Variants in HYDIN observed in about 807,000 individuals in gnomAD.
HYDIN encodes HYDIN axonemal central pair apparatus protein.
Under a neutral mutation model 403.9 loss-of-function variants are expected in HYDIN, and 132 were observed. The ratio of observed to expected loss-of-function variants is 0.33; its 90% confidence interval spans 0.28 to 0.38. The LOEUF (loss-of-function observed/expected upper bound fraction) is 0.38. Among genes scored for constraint, HYDIN ranks in the 10% least tolerant of loss-of-function variants. The pLI is 1.00. For synonymous variants in HYDIN, 1,202 were observed against 1,891.7 expected (o/e 0.64, Z 9.46); for missense variants, 2,827 against 5,009.5 (o/e 0.56, Z 13.15).
At chr16:71,152,541 T>C (rs2085579043) in intron 7 of HYDIN, 118 bp downstream of exon 7, 1 of 942,410 alleles carries the variant, frequency 1.1e-6, no homozygotes, top group Non-Finnish European at 1.6e-6. Flanking sequence ...GTCCACAAAA[T>C]CCATTGTATC....
chr16:71,210,355 G>T (rs574464100), intron 1 of HYDIN, among the ~76,000 whole-genome samples: 2 of 152,306 alleles, frequency 1.3e-5, no homozygotes, highest in Non-Finnish European at 1.5e-5. Flanking sequence ...CATGTCCTTT[G>T]CAGGAACATG....
At chr16:71,041,503 G>A (rs2081286192) in intron 18 of HYDIN, among the ~76,000 whole-genome samples, 1 of 152,050 alleles carries the variant, frequency 6.6e-6, no homozygotes, top group African/African-American at 2.4e-5. Context: ...CTGTGGTAGA[G>A]TCAAATGATG....
At chr16:71,172,246 A>C (rs943063646) in intron 5 of HYDIN, among the ~76,000 whole-genome samples, 1 of 152,214 alleles carries the variant, frequency 6.6e-6, no homozygotes, top group African/African-American at 2.4e-5. Flanking sequence ...GCACCACTGC[A>C]TGCTTTCTTC....
chr16:71,061,586 C>T (rs1724062331), intron 17 of HYDIN, among the ~76,000 whole-genome samples: 1 of 152,076 alleles, frequency 6.6e-6, no homozygotes, highest in Non-Finnish European at 1.5e-5. Flanking sequence ...TTTCTCTTAA[C>T]AGCTTGAGTA....
chr16:70,811,134 T>C (rs946893260), intron 84 of HYDIN, among the ~76,000 whole-genome samples: 8 of 152,144 alleles, frequency 5.3e-5, no homozygotes, highest in Non-Finnish European at 1.2e-4. Flanking sequence ...CTAGTTCTTA[T>C]TGAAAAATAT....
chr16:71,025,065 T>A (rs2080644140), intron 21 of HYDIN, among the ~76,000 whole-genome samples: 1 of 152,340 alleles, frequency 6.6e-6, no homozygotes, highest in African/African-American at 2.4e-5. Flanking sequence ...CAATCCTTCC[T>A]CTGCCTTGGG....
intron 23 of HYDIN, among the ~76,000 whole-genome samples, chr16:71,003,778 G>T (rs962485309): frequency 1.7e-4 from 25 of 149,296 alleles, no homozygotes; most frequent in Admixed American, 4.7e-4. Context: ...CAGCCCAGGG[G>T]ACAGGGCGAG....
At chr16:71,228,812 G>A (rs1217071629) in intron 1 of HYDIN, among the ~76,000 whole-genome samples, 2 of 152,116 alleles carry the variant, frequency 1.3e-5, no homozygotes, top group Admixed American at 6.5e-5. Context: ...CTGGGTATAT[G>A]CCCAAAGGAT....
At chr16:71,228,156 T>G (rs1007570904) in intron 1 of HYDIN, among the ~76,000 whole-genome samples, 16 of 151,856 alleles carry the variant, frequency 1.1e-4, no homozygotes, top group Non-Finnish European at 2.9e-5. Flanking sequence ...ATACAAAAAT[T>G]AATTCAAGAT....
intron 84 of HYDIN, among the ~76,000 whole-genome samples, chr16:70,813,569 G>C (rs539222935): frequency 6.6e-6 from 1 of 152,036 alleles, no homozygotes; most frequent in South Asian, 2.1e-4. Context: ...AAACTGCGCA[G>C]ACAGTAAATG....
At chr16:71,077,417 G>C (rs2144330059) in intron 13 of HYDIN, among the ~76,000 whole-genome samples, 1 of 152,018 alleles carries the variant, frequency 6.6e-6, no homozygotes, top group Admixed American at 6.5e-5. Context: ...AATCATTGCT[G>C]ATATATTTAA....
At chr16:71,114,518 G>C in intron 10 of HYDIN, among the ~76,000 whole-genome samples, 1 of 151,972 alleles carries the variant, frequency 6.6e-6, no homozygotes, top group Non-Finnish European at 1.5e-5. Flanking sequence ...CTAAAGAGTG[G>C]CATTTAGAAA....
At chr16:70,949,322 G>A (rs150726379) in intron 41 of HYDIN, among the ~76,000 whole-genome samples, 1 of 117,350 alleles carries the variant, frequency 8.5e-6, no homozygotes. Flanking sequence ...GTGGGGGGAG[G>A]GGGGAGGGAT....
At chr16:70,967,740 C>T (rs373998595) in intron 36 of HYDIN, among the ~76,000 whole-genome samples, 2,124 of 151,388 alleles carry the variant, frequency 0.014, 9 homozygotes, top group African/African-American at 0.049. Flanking sequence ...CCCGCCTTGG[C>T]CTCCCAAAGA....
At chr16:71,019,889 G>A (rs969137428) in intron 22 of HYDIN, among the ~76,000 whole-genome samples, 18 of 152,416 alleles carry the variant, frequency 1.2e-4, no homozygotes, top group Non-Finnish European at 5.9e-5. Flanking sequence ...TCGTATACAA[G>A]GGATATTAAT....
intron 9 of HYDIN, among the ~76,000 whole-genome samples, chr16:71,120,594 C>G (rs1249999474): frequency 6.6e-6 from 1 of 151,590 alleles, no homozygotes; most frequent in South Asian, 2.1e-4. Flanking sequence ...GCAATACTTA[C>G]AGGGGATCTT....
chr16:71,007,429 T>G (rs576436651), intron 23 of HYDIN, among the ~76,000 whole-genome samples: 12 of 152,236 alleles, frequency 7.9e-5, no homozygotes, highest in African/African-American at 2.9e-4. Context: ...TAATAAGATA[T>G]ACAGAAAAAT....
At chr16:70,947,697 C>T (rs1485973939) in intron 41 of HYDIN, among the ~76,000 whole-genome samples, 4 of 152,092 alleles carry the variant, frequency 2.6e-5, no homozygotes, top group African/African-American at 7.2e-5. Flanking sequence ...GAGTGAACTC[C>T]CATTCACAAT....
At chr16:70,900,809 T>TAAGC (rs540182831) in intron 53 of HYDIN, among the ~76,000 whole-genome samples, 195 bp downstream of exon 53, 311 of 143,304 alleles carry the variant, frequency 2.2e-3, no homozygotes, top group Non-Finnish European at 4.0e-3. Flanking sequence ...GAATCAGCCA[T>TAAGC]AAGCAATATT....
Sources: gnomAD v4.1 joint callset for allele counts (sites outside exome capture counted in the v4.1 genomes callset) on GRCh38, gnomAD v4.1.1 for gene constraint, MANE v1.5 for transcripts, NCBI Gene and HGNC (gene_info 2026-07-23, HGNC 2026-07-21) for gene names.